GRB10: variants seen among roughly 807,000 people sequenced by gnomAD.
GRB10 encodes the protein growth factor receptor-bound protein 10.
Under a neutral mutation model 80.9 loss-of-function variants are expected in GRB10, and 20 were observed. That is an observed-to-expected ratio of 0.25 (90% CI 0.17 to 0.36). GRB10 has a LOEUF of 0.36. GRB10 is among the 10% of genes least tolerant of loss of function. The pLI is 1.00. For synonymous variants in GRB10, 291 were observed against 291.5 expected, an observed-to-expected ratio of 1.00 and a Z score of 0.02; for missense variants, 548 against 747.7, an observed-to-expected ratio of 0.73 and a Z score of 3.12.
At chr7:50,732,812 T>C (rs971817159) in intron 3 of GRB10, among the ~76,000 whole-genome samples, 3 of 152,150 alleles carry the variant, frequency 2.0e-5, no homozygotes, top group African/African-American at 7.2e-5. Context: ...CAGAACATCA[T>C]TTGAGTGAAC....
intron 2 of GRB10, among the ~76,000 whole-genome samples, chr7:50,780,283 C>G (rs956340584): frequency 6.6e-6 from 1 of 152,126 alleles, no homozygotes; most frequent in Non-Finnish European, 1.5e-5. Flanking sequence ...TGATGCATGG[C>G]CATGCCCACT....
chr7:50,667,811 T>C (rs947190721), intron 7 of GRB10, among the ~76,000 whole-genome samples: 1 of 152,146 alleles, frequency 6.6e-6, no homozygotes, highest in Non-Finnish European at 1.5e-5. Flanking sequence ...CAAGCTCTGA[T>C]CCCAAGAAAA....
chr7:50,664,795 A>G (rs917476542), intron 7 of GRB10, among the ~76,000 whole-genome samples: 14 of 152,206 alleles, frequency 9.2e-5, no homozygotes, highest in East Asian at 5.8e-4. Context: ...AGTCTTTGCT[A>G]TATCAATCAC....
chr7:50,670,852 G>A (rs770746375), intron 6 of GRB10, among the ~76,000 whole-genome samples: 5 of 152,094 alleles, frequency 3.3e-5, no homozygotes, highest in Admixed American at 6.5e-5. Context: ...ATCTGTCCTC[G>A]CAAAGCCTGT....
At chr7:50,635,307 C>T (rs1002789488) in intron 7 of GRB10, among the ~76,000 whole-genome samples, 2 of 151,942 alleles carry the variant, frequency 1.3e-5, no homozygotes, top group Non-Finnish European at 2.9e-5. Flanking sequence ...GAACTTAAGG[C>T]AGAAAAAGAA....
At chr7:50,750,797 T>C (rs2073996753) in intron 3 of GRB10, among the ~76,000 whole-genome samples, 1 of 152,138 alleles carries the variant, frequency 6.6e-6, no homozygotes, top group African/African-American at 2.4e-5. Flanking sequence ...CTCTGGGCAA[T>C]GAATTACCCT....
intron 7 of GRB10, among the ~76,000 whole-genome samples, chr7:50,633,661 G>C (rs904640192): frequency 6.6e-6 from 1 of 151,458 alleles, no homozygotes; most frequent in Non-Finnish European, 1.5e-5. Context: ...AAAACCAGAA[G>C]AGTAATTCTG....
At chr7:50,766,433 T>G (rs952767161) in intron 2 of GRB10, among the ~76,000 whole-genome samples, 2 of 152,176 alleles carry the variant, frequency 1.3e-5, no homozygotes, top group Non-Finnish European at 2.9e-5. Flanking sequence ...TCTTCCTTTC[T>G]TTTCCTTTTC....
intron 3 of GRB10, among the ~76,000 whole-genome samples, chr7:50,740,054 CTTTT>C (rs1293935199): frequency 6.6e-6 from 1 of 152,188 alleles, no homozygotes; most frequent in African/African-American, 2.4e-5. Flanking sequence ...TGAATCCTTT[CTTTT>C]GTTATTTAGC....
intron 7 of GRB10, among the ~76,000 whole-genome samples, chr7:50,660,695 T>A (rs113885147): frequency 1.3e-5 from 2 of 151,682 alleles, no homozygotes; most frequent in Non-Finnish European, 2.9e-5. Context: ...GGAAAGGAGT[T>A]AGAGATGCAG....
intron 2 of GRB10, among the ~76,000 whole-genome samples, chr7:50,761,399 CATAGAAGATAACAGA>C (rs2075750479): frequency 6.6e-6 from 1 of 152,160 alleles, no homozygotes; most frequent in South Asian, 2.1e-4. Flanking sequence ...AAATCCAAAG[CATAGAAGATAACAGA>C]ATTTCTTTTA....
chr7:50,708,378 G>A (rs1464145862), intron 4 of GRB10, among the ~76,000 whole-genome samples: 2 of 152,174 alleles, frequency 1.3e-5, no homozygotes, highest in Admixed American at 6.5e-5. Context: ...GATGGTGATT[G>A]TAAAATAAAG....
chr7:50,758,451 A>G (rs573839932), intron 2 of GRB10, among the ~76,000 whole-genome samples: 20 of 152,238 alleles, frequency 1.3e-4, no homozygotes, highest in Non-Finnish European at 2.4e-4. Flanking sequence ...TATCCCAGAA[A>G]CAAAGGGCCT....
At chr7:50,617,829 G>C in intron 10 of GRB10, 2 of 582,876 alleles carry the variant, frequency 3.4e-6, no homozygotes, top group Admixed American at 2.9e-5. Context: ...GTCAGAGCAA[G>C]GGCATCGTGT....
At chr7:50,629,386 C>T (rs1342905637) in intron 7 of GRB10, among the ~76,000 whole-genome samples, 1 of 152,178 alleles carries the variant, frequency 6.6e-6, no homozygotes, top group Non-Finnish European at 1.5e-5. Context: ...CTTGGTCACA[C>T]GTCCACATCC....
chr7:50,735,818 G>T (rs1047421079), intron 3 of GRB10, among the ~76,000 whole-genome samples: 1 of 151,848 alleles, frequency 6.6e-6, no homozygotes, highest in Non-Finnish European at 1.5e-5. Context: ...ATAATATTGT[G>T]ATATATATAA....
intron 17 of GRB10, among the ~76,000 whole-genome samples, chr7:50,596,934 G>C (rs1030328680): frequency 2.6e-5 from 4 of 152,118 alleles, no homozygotes; most frequent in African/African-American, 4.8e-5. Flanking sequence ...TTATACATCA[G>C]AAAGCGAAGA....
chr7:50,763,173 T>A (rs925611658), intron 2 of GRB10, among the ~76,000 whole-genome samples: 1 of 148,888 alleles, frequency 6.7e-6, no homozygotes, highest in African/African-American at 2.5e-5. Context: ...CAGCCAACAA[T>A]CTGAATTTAA....
intron 3 of GRB10, among the ~76,000 whole-genome samples, chr7:50,745,802 T>C (rs918959995): frequency 2.0e-5 from 3 of 152,224 alleles, no homozygotes; most frequent in African/African-American, 4.8e-5. Flanking sequence ...AGACATCTTT[T>C]TACCTAAAGA....
Sources: gnomAD v4.1 joint callset for allele counts (sites outside exome capture counted in the v4.1 genomes callset) on GRCh38, gnomAD v4.1.1 for gene constraint, MANE v1.5 for transcripts, NCBI Gene and HGNC (gene_info 2026-07-23, HGNC 2026-07-21) for gene names.